C1S: variants seen among roughly 807,000 people sequenced by gnomAD.
C1S encodes the protein complement C1s, also known as complement C1s subcomponent.
A neutral mutation model predicts 54.0 loss-of-function variants in C1S; 31 were observed. That is an observed-to-expected ratio of 0.57 (90% CI 0.43 to 0.78). The LOEUF (loss-of-function observed/expected upper bound fraction) is 0.78. C1S is among the 30% of genes least tolerant of loss of function. The pLI, the probability that C1S is intolerant of heterozygous loss-of-function variation, is 0.00. For synonymous variants in C1S, 292 were observed against 303.6 expected (o/e 0.96, Z 0.40); for missense variants, 727 against 851.8 (o/e 0.85, Z 1.82).
At chr12:7,068,995 T>A (rs1937757315) in intron 11 of C1S, among the ~76,000 whole-genome samples, 1 of 151,968 alleles carries the variant, frequency 6.6e-6, no homozygotes, top group Non-Finnish European at 1.5e-5. Context: ...CCATCCTGGG[T>A]GGTACTGAAA....
intron 5 of C1S, 41 bp from the exon 6 acceptor site, chr12:7,065,059 G>A (rs782219121): frequency 1.3e-6 from 2 of 1,506,636 alleles, no homozygotes; most frequent in Admixed American, 1.7e-5. Context: ...TCCTTTGCTT[G>A]ACCCTGTATT....
At chr12:7,062,052 T>C (rs1947096957) in intron 2 of C1S, 135 bp downstream of exon 2, 3 of 868,668 alleles carry the variant, frequency 3.5e-6, no homozygotes, top group African/African-American at 1.7e-5. Flanking sequence ...GGAGGATTGC[T>C]TGAGCCCAGG....
At chr12:7,065,039 G>C in intron 5 of C1S, 61 bp from the exon 6 acceptor site, 2 of 1,353,702 alleles carry the variant, frequency 1.5e-6, no homozygotes, top group East Asian at 4.6e-5. Context: ...TCATAGAATA[G>C]TGCAGGAATT....
chr12:7,062,022 C>CA, intron 2 of C1S, 105 bp downstream of exon 2: 1 of 1,156,594 alleles, frequency 8.6e-7, no homozygotes, highest in Non-Finnish European at 1.3e-6. Context: ...GTAACCCCAG[C>CA]ACTTTGGGAG....
rs900343429 is a variant in C1S, at chr12:7,066,071, T to G, written c.871+101T>G. ...GATCCAGGCACACTGGAAGCACCTGTGATCTCAGCTACCGAGGGAGGCTGA... is the reference window on the plus strand; with the variant it reads ...GATCCAGGCACACTGGAAGCACCTGGGATCTCAGCTACCGAGGGAGGCTGA... On this transcript the variant is annotated intron_variant, in intron 7 of 11. Coordinates refer to ENST00000360817, the MANE Select transcript of C1S (RefSeq NM_001734.5). 8 of 1,078,394 alleles carry G rather than the reference T, an allele frequency of 7.4e-6. No homozygotes were observed. In the African/African-American group the frequency reaches 1.2e-4, roughly 17 times the overall value. The allele number at this position is 1,078,394 out of a possible 1,614,324, so 66.8% of individuals were successfully genotyped here.
chr12:7,063,140 C>T (rs2135721858), intron 4 of C1S, 73 bp downstream of exon 4: 1 of 1,336,432 alleles, frequency 7.5e-7, no homozygotes, highest in East Asian at 2.3e-5. Flanking sequence ...CACTGAGCAA[C>T]ACATTGAATG....
In C1S at chr12:7,067,655, G is replaced by T. The variant is rs143619931; in HGVS notation, c.1079G>T (p.Gly360Val). The change falls in exon 10 of 12, where the codon GGC becomes GTC. Residue 360 changes from glycine to valine, a missense_variant. Coordinates refer to ENST00000360817, the MANE Select transcript of C1S (RefSeq NM_001734.5). ...SKLKCQPVDCGIPESIENGKV... is the reference protein window; with the variant it reads ...SKLKCQPVDCVIPESIENGKV... ...CTTCGTCTGGTAGCTGTGGACTGTG[G>T]CATTCCTGAATCCATTGAGAATGGT... 95 of 1,613,928 alleles carry T rather than the reference G, an allele frequency of 5.9e-5. No homozygotes were observed. Among genetic ancestry groups the T allele is most frequent in the Non-Finnish European group, 1.9e-5 (22 of 1,179,958 alleles).
At chr12:7,064,518 T>C in intron 5 of C1S, 126 bp downstream of exon 5, 1 of 844,676 alleles carries the variant, frequency 1.2e-6, no homozygotes, top group South Asian at 1.8e-5. Context: ...TCTTTTTTAT[T>C]TTAGAATTTA....
Position 7,067,097 on chromosome 12 carries a change from A to G in C1S, c.1046A>G (p.Asn349Ser), listed in dbSNP as rs192346248. 6.2e-7 allele frequency: 1 copy of G among 1,607,460 alleles called. No individual in the cohort carries two copies. The highest frequency in any genetic ancestry group is 1.1e-5 in the South Asian group (1 of 90,952). ...TGTCAAAGCAATGGAAAGTGGAGTA[A>G]TTCCAAACTGAAATGTCAACGTATG... ...STCQSNGKWSNSKLKCQPVDC... is the reference protein window; with the variant it reads ...STCQSNGKWSSSKLKCQPVDC... The change falls in exon 9 of 12, where the codon AAT becomes AGT. Residue 349 changes from asparagine (N) to serine (S), a missense_variant. Coordinates refer to ENST00000360817, the MANE Select transcript of C1S (RefSeq NM_001734.5).
At chr12:7,063,262 T>C in intron 4 of C1S, 195 bp downstream of exon 4, 1 of 608,522 alleles carries the variant, frequency 1.6e-6, no homozygotes, top group Non-Finnish European at 2.9e-6. Flanking sequence ...ATGATGATCA[T>C]GGTAATAACA....
chr12:7,069,283 A>G (rs782815787), intron 11 of C1S, among the ~76,000 whole-genome samples: 21 of 152,306 alleles, frequency 1.4e-4, no homozygotes, highest in African/African-American at 4.6e-4. Flanking sequence ...ACTGAATGGT[A>G]ATGGCACCAG....
chr12:7,067,827 G>A (rs920063456), intron 10 of C1S, 56 bp downstream of exon 10: 11 of 1,555,738 alleles, frequency 7.1e-6, no homozygotes, highest in Admixed American at 5.0e-5. Context: ...TTGGAGGGTG[G>A]ATAGCATAAT....
At chr12:7,062,720 T>C in intron 3 of C1S, 38 bp downstream of exon 3, 1 of 1,589,122 alleles carries the variant, frequency 6.3e-7, no homozygotes, top group South Asian at 1.1e-5. Context: ...GATGGAAGAC[T>C]AGGGCTAAGG....
chr12:7,070,731 C>A lies in C1S; in HGVS notation c.*80C>A. On this transcript the variant is annotated 3_prime_UTR_variant, in exon 12 of 12. Transcript: ENST00000360817. The surrounding 1 kb of genome is among the most constrained non-coding windows in gnomAD (Gnocchi z 4.9). ...GTTCCTTATGATATTCTCATTATTTCATCATGACTGAAAGAAGACACGAGC... is the reference window on the plus strand; with the variant it reads ...GTTCCTTATGATATTCTCATTATTTAATCATGACTGAAAGAAGACACGAGC... 4 of 1,151,318 alleles carry A rather than the reference C, an allele frequency of 3.5e-6. No individual in the cohort carries two copies. Among genetic ancestry groups the A allele is most frequent in the Non-Finnish European group, 5.2e-6 (4 of 764,210 alleles). The allele number at this position is 1,151,318 out of a possible 1,614,324, so 71.3% of individuals were successfully genotyped here. A position where few individuals can be genotyped will look rare whatever the true frequency, so the allele number is the denominator to read the frequency against.
chr12:7,067,613 G>C (rs1389184237), intron 9 of C1S, 30 bp from the exon 10 acceptor site: 3 of 1,612,928 alleles, frequency 1.9e-6, no homozygotes, highest in Non-Finnish European at 2.5e-6. Context: ...TGGCTGTCCT[G>C]ACCATCGCTC....
At chr12:7,061,960 C>T (rs782350484) in intron 2 of C1S, 43 bp downstream of exon 2, 2 of 1,605,466 alleles carry the variant, frequency 1.2e-6, no homozygotes, top group Non-Finnish European at 1.7e-6. Flanking sequence ...ACTCCATTCC[C>T]TTCATCTTCT....
chr12:7,061,296 G>A (rs1435121639), intron 1 of C1S: 1 of 161,418 alleles, frequency 6.2e-6, no homozygotes, highest in Non-Finnish European at 1.4e-5. Context: ...TTGTCCCAGG[G>A]TCCCTGCCTT....
chr12:7,065,710 CTTATT>C (rs1947165073), intron 6 of C1S, 102 bp from the exon 7 acceptor site: 2 of 969,932 alleles, frequency 2.1e-6, no homozygotes, highest in Non-Finnish European at 1.7e-6. Context: ...TTATTTTCTT[CTTATT>C]TTATGTGACA....
chr12:7,063,757 G>A (rs976251605), intron 4 of C1S, among the ~76,000 whole-genome samples: 3 of 152,144 alleles, frequency 2.0e-5, no homozygotes, highest in African/African-American at 2.4e-5. Context: ...GGGCATGGTA[G>A]CTCACACCTG....
Sources: gnomAD v4.1 joint callset for allele counts (sites outside exome capture counted in the v4.1 genomes callset) on GRCh38, gnomAD v4.1.1 for gene constraint, Gnocchi (gnomAD v3.1) non-coding constraint, MANE v1.5 for transcripts, NCBI Gene and HGNC (gene_info 2026-07-23, HGNC 2026-07-21) for gene names.